Variants in PCDHGB4 observed in about 807,000 individuals in gnomAD.
The protein encoded by PCDHGB4 is protocadherin gamma-B4.
PCDHGB4 carries 38 observed loss-of-function variants against 60.5 expected under a neutral mutation model. That is an observed-to-expected ratio of 0.63 (90% CI 0.48 to 0.82). PCDHGB4 has a LOEUF of 0.82. Among genes scored for constraint, PCDHGB4 ranks in the 40% least tolerant of loss-of-function variants. The pLI is 0.00. For synonymous variants in PCDHGB4, 456 were observed against 509.7 expected (o/e 0.89, Z 1.42); for missense variants, 1,109 against 1,209.6 (o/e 0.92, Z 1.23).
chr5:141,481,900 C>T (rs949418188), intron 1 of PCDHGB4, among the ~76,000 whole-genome samples: 13 of 126,002 alleles, frequency 1.0e-4, no homozygotes, highest in African/African-American at 3.2e-4. Flanking sequence ...GGTGAAAGAG[C>T]GAAACTCCAT....
chr5:141,432,800 C>T lies in PCDHGB4; in HGVS notation c.2397+42519C>T. The T allele has an allele frequency of 6.2e-7, 1 of 1,614,156 alleles. No individual in the cohort carries two copies. The highest frequency in any genetic ancestry group is 8.5e-7 in the Non-Finnish European group (1 of 1,180,008). ...GGCGGACCTCGGCAGCCTCGAGTCT[C>T]CAGCTAACTCTGAAACCTCAGACCT... On this transcript the variant is annotated intron_variant, in intron 1 of 3. Transcript: ENST00000519479. This position sits in a 1 kb window ranked among gnomAD's most constrained non-coding sequence, Gnocchi z 6.0.
chr5:141,461,732 A>G (rs945368729), intron 1 of PCDHGB4, among the ~76,000 whole-genome samples: 5 of 152,154 alleles, frequency 3.3e-5, no homozygotes, highest in Non-Finnish European at 5.9e-5. Context: ...GTGCAGTGGC[A>G]CAATCCCGGC....
chr5:141,414,000 A>T (rs759228883), intron 1 of PCDHGB4: 2 of 1,613,282 alleles, frequency 1.2e-6, no homozygotes, highest in African/African-American at 2.7e-5. Flanking sequence ...ACAGGGACGA[A>T]GGTGCCAATG....
At chr5:141,434,337 C>T (rs939910421) in intron 1 of PCDHGB4, among the ~76,000 whole-genome samples, 13 of 152,230 alleles carry the variant, frequency 8.5e-5, no homozygotes, top group African/African-American at 2.4e-4. Context: ...CTCTTTGTGT[C>T]GGGAACAGGC....
rs768135284 is a variant in PCDHGB4, at chr5:141,489,277, T to C, written c.2398-5530T>C. ...GACACTCCCACAGCTCGCTGGGAAA[T>C]GGCAAGTGCTGTGCATGTTGTCCTT... On this transcript the variant is annotated intron_variant, in intron 1 of 3. Transcript: ENST00000519479. This position sits in a 1 kb window ranked among gnomAD's most constrained non-coding sequence, Gnocchi z 4.5. 7.1e-6 allele frequency: 11 copies of C among 1,556,078 alleles called. No individual in the cohort carries two copies. Among genetic ancestry groups the C allele is most frequent in the South Asian group, 3.7e-5 (3 of 80,348 alleles).
intron 1 of PCDHGB4, chr5:141,468,354 GA>G (rs910554966): frequency 7.0e-6 from 1 of 143,440 alleles, no homozygotes. Context: ...AAAAAAGAAA[GA>G]AAAAAGAAAT....
chr5:141,485,070 G>T lies in PCDHGB4; in HGVS notation c.2398-9737G>T. ...CGCCGGCCGAACCGCGCCAGAGCTG[G>T]CGCGGGGAAAGGGAGATAGGTGTCT... On this transcript the variant is annotated intron_variant, in intron 1 of 3. Coordinates refer to ENST00000519479, the MANE Select transcript of PCDHGB4 (RefSeq NM_003736.4). This position sits in a 1 kb window ranked among gnomAD's most constrained non-coding sequence, Gnocchi z 5.7. 1.1e-6 allele frequency: 1 copy of T among 908,406 alleles called. No individual in the cohort carries two copies. Among genetic ancestry groups the T allele is most frequent in the East Asian group, 2.4e-5 (1 of 41,326 alleles). 56.3% of individuals were successfully genotyped at this position (908,406 alleles called of 1,614,324 possible).
intron 2 of PCDHGB4, 79 bp downstream of exon 2, chr5:141,494,944 C>T: frequency 1.9e-6 from 3 of 1,609,850 alleles, no homozygotes; most frequent in Non-Finnish European, 2.5e-6. Context: ...TGGGGGAGGG[C>T]CCAGCATTTG....
At chr5:141,396,813 T>A (rs1031435038) in intron 1 of PCDHGB4, among the ~76,000 whole-genome samples, 3 of 152,240 alleles carry the variant, frequency 2.0e-5, no homozygotes, top group Admixed American at 6.5e-5. Context: ...AGTGTTCTAC[T>A]GTATGGTGCA....
chr5:141,443,251 C>T (rs200319609), intron 1 of PCDHGB4, among the ~76,000 whole-genome samples: 7 of 150,782 alleles, frequency 4.6e-5, no homozygotes, highest in East Asian at 3.9e-4. Flanking sequence ...GGCGCCAAGG[C>T]GGGTGGATCA....
At chr5:141,439,190 C>CA (rs200519543) in intron 1 of PCDHGB4, among the ~76,000 whole-genome samples, 17,650 of 111,626 alleles carry the variant, frequency 0.16, 1,295 homozygotes, top group African/African-American at 0.25. Context: ...GAGACTCTGA[C>CA]AAAAAAAAAA....
intron 1 of PCDHGB4, chr5:141,420,342 T>C: frequency 7.2e-7 from 1 of 1,388,390 alleles, no homozygotes; most frequent in Non-Finnish European, 9.6e-7. Flanking sequence ...AATATAGTGG[T>C]ATTATTTTAA....
chr5:141,494,434 T>A (rs976526647), intron 1 of PCDHGB4, among the ~76,000 whole-genome samples: 2 of 152,166 alleles, frequency 1.3e-5, no homozygotes, highest in Middle Eastern at 3.2e-3. Flanking sequence ...AAAAGCCTCC[T>A]TTGCCACTTT....
At chr5:141,423,033 C>A (rs2096701827) in intron 1 of PCDHGB4, 2 of 1,614,102 alleles carry the variant, frequency 1.2e-6, no homozygotes, top group Non-Finnish European at 1.7e-6. Flanking sequence ...CAGGCCAGAA[C>A]GCCTGGCTGT....
chr5:141,423,210 C>A (rs954945082), intron 1 of PCDHGB4: 2 of 1,613,578 alleles, frequency 1.2e-6, no homozygotes, highest in East Asian at 4.5e-5. Flanking sequence ...CCGTCACGCT[C>A]ACCGTGGCTG....
At chr5:141,415,425 T>G (rs777503392) in intron 1 of PCDHGB4, 7 of 1,614,080 alleles carry the variant, frequency 4.3e-6, no homozygotes, top group African/African-American at 1.3e-5. Context: ...TGGACGGGGT[T>G]CGGGCTTTCC....
At position 141,493,061 on chromosome 5, in the gene PCDHGB4, C is replaced by G. The variant is rs1386090478; in HGVS notation, c.2398-1746C>G. On this transcript the variant is annotated intron_variant, in intron 1 of 3. Transcript: ENST00000519479. The surrounding 1 kb of genome is among the most constrained non-coding windows in gnomAD (Gnocchi z 4.3). The stretch of plus-strand genomic sequence containing the variant: ...GAGGAAACTACAATAGTAAAAAACA[C>G]AAGTTTCTCCAACTCCAGGAGCTTT... Among the ~76,000 whole-genome samples the G allele has an allele frequency of 6.6e-6, 1 of 152,228 alleles. No individual in the cohort carries two copies. Among genetic ancestry groups the G allele is most frequent in the African/African-American group, 2.4e-5 (1 of 41,446 alleles).
At chr5:141,420,311 T>C (rs762191274) in intron 1 of PCDHGB4, 102 of 1,454,698 alleles carry the variant, frequency 7.0e-5, no homozygotes, top group Non-Finnish European at 9.3e-5. Flanking sequence ...CTTTTTATAT[T>C]ACAATATGCC....
In PCDHGB4 at chr5:141,394,778, C is replaced by T. The variant is rs377451053; in HGVS notation, c.2397+4497C>T. ...AGGACCATGGCCAGCCCCCTCTCTC[C>T]GCCACTGTCACGCTCACCGTAGCCG... On this transcript the variant is annotated intron_variant, in intron 1 of 3. Transcript: ENST00000519479. 8 of 1,613,514 alleles carry T rather than the reference C, an allele frequency of 5.0e-6. No individual in the cohort carries two copies. In the South Asian group the frequency reaches 7.7e-5, roughly 15 times the overall value.
Sources: allele counts gnomAD v4.1 joint callset (sites outside exome capture counted in the v4.1 genomes callset), GRCh38; gene constraint gnomAD v4.1.1; non-coding constraint Gnocchi (gnomAD v3.1); transcripts MANE v1.5; gene names NCBI Gene and HGNC (gene_info 2026-07-23, HGNC 2026-07-21).